The following C8orf34 variants were observed in gnomAD, a reference collection of about 807,000 sequenced individuals.
C8orf34 encodes the protein chromosome 8 open reading frame 34, also known as uncharacterized protein C8orf34.
C8orf34 carries 65 observed loss-of-function variants against 68.3 expected under a neutral mutation model. The observed-to-expected ratio is 0.95, with a 90% CI of 0.78 to 1.17. The LOEUF (loss-of-function observed/expected upper bound fraction) is 1.17, where lower values mean the gene tolerates loss of function less well. C8orf34 is among the 50% of genes most tolerant of loss of function. The pLI is 0.00. For synonymous variants in C8orf34, 244 were observed against 241.2 expected (o/e 1.01, Z -0.11); for missense variants, 664 against 655.4 (o/e 1.01, Z -0.14).
intron 8 of C8orf34, among the ~76,000 whole-genome samples, chr8:68,655,855 C>T (rs1819497270): frequency 1.3e-5 from 2 of 152,126 alleles, no homozygotes; most frequent in African/African-American, 4.8e-5. Context: ...ATCCTATTTC[C>T]ATCTTTCTAG....
intron 1 of C8orf34, among the ~76,000 whole-genome samples, chr8:68,345,141 T>C (rs1478180906): frequency 6.6e-6 from 1 of 151,828 alleles, no homozygotes; most frequent in Non-Finnish European, 1.5e-5. Context: ...GATTCCTAGA[T>C]TGGCTTAAAA....
rs781205123 is a variant in C8orf34 at position 68,818,721 on chromosome 8, A to C, written c.*475A>C. The C allele has an allele frequency of 2.6e-5, 4 of 153,306 alleles. No individual in the cohort carries two copies. Among genetic ancestry groups the C allele is most frequent in the Non-Finnish European group, 5.8e-5 (4 of 68,814 alleles). The allele number at this position is 153,306 out of a possible 1,614,324, so 9.5% of individuals were successfully genotyped here. A position where few individuals can be genotyped will look rare whatever the true frequency, so the allele number is the denominator to read the frequency against. Reference sequence around the variant, plus strand: ...CTGCAGAAATTAGCTGTTTGGTATCATCACCTGCCATACATGTTGTGTGCA... The same window carrying C: ...CTGCAGAAATTAGCTGTTTGGTATCCTCACCTGCCATACATGTTGTGTGCA... On this transcript the variant is annotated 3_prime_UTR_variant, in exon 14 of 14. Transcript: ENST00000518698.
intron 10 of C8orf34, among the ~76,000 whole-genome samples, chr8:68,761,014 T>C (rs1823009078): frequency 6.6e-6 from 1 of 152,226 alleles, no homozygotes; most frequent in Non-Finnish European, 1.5e-5. Context: ...GCAGGAATAT[T>C]GAGAGTAGCA....
chr8:68,412,076 C>A (rs1317728798), intron 1 of C8orf34, among the ~76,000 whole-genome samples: 1 of 152,182 alleles, frequency 6.6e-6, no homozygotes, highest in Non-Finnish European at 1.5e-5. Context: ...TAGGTCCTTA[C>A]CAGACACTGA....
In C8orf34 at chr8:68,620,977, T is replaced by A. The variant is rs540716712; in HGVS notation, c.1106-19399T>A. Reference sequence around the variant, plus strand: ...AGTTGTTTATATGCGGAAATAGTGATCCATAGAGTTAGAAATATATAAATA... The same window carrying A: ...AGTTGTTTATATGCGGAAATAGTGAACCATAGAGTTAGAAATATATAAATA... On this transcript the variant is annotated intron_variant, in intron 7 of 13. Coordinates refer to ENST00000518698, the MANE Select transcript of C8orf34 (RefSeq NM_052958.4). 3.3e-5 allele frequency among the ~76,000 whole-genome samples: 5 copies of A among 152,214 alleles called. No individual in the cohort carries two copies. The East Asian group carries it at 9.7e-4, about 29-fold the overall frequency.
chr8:68,493,063 T>C (rs375413619), intron 5 of C8orf34, among the ~76,000 whole-genome samples: 1 of 152,190 alleles, frequency 6.6e-6, no homozygotes, highest in East Asian at 1.9e-4. Flanking sequence ...ATATCCACAA[T>C]ATAAAATATT....
chr8:68,533,986 A>G (rs1815358961), intron 7 of C8orf34: 1 of 886,082 alleles, frequency 1.1e-6, no homozygotes, highest in South Asian at 5.2e-5. Context: ...TAATTATTTG[A>G]AAGCCTTAAA....
At chr8:68,542,092 T>C (rs546323573) in intron 7 of C8orf34, among the ~76,000 whole-genome samples, 1 of 152,304 alleles carries the variant, frequency 6.6e-6, no homozygotes, top group South Asian at 2.1e-4. Flanking sequence ...CTTGTCTCCC[T>C]GATTTATAGT....
intron 1 of C8orf34, among the ~76,000 whole-genome samples, chr8:68,366,575 G>A (rs1585994590): frequency 6.6e-6 from 1 of 151,414 alleles, no homozygotes; most frequent in Non-Finnish European, 1.5e-5. Context: ...ACAGAACAGA[G>A]CCCTCAGAAA....
intron 12 of C8orf34, chr8:68,792,301 A>C (rs550707702): frequency 6.6e-6 from 1 of 152,146 alleles, no homozygotes; most frequent in Non-Finnish European, 1.5e-5. Flanking sequence ...GATCAGGCGC[A>C]ATGGCTCACG....
intron 1 of C8orf34, among the ~76,000 whole-genome samples, chr8:68,349,671 C>A: frequency 6.6e-6 from 1 of 151,880 alleles, no homozygotes; most frequent in African/African-American, 2.4e-5. Flanking sequence ...TTGGTCTGTT[C>A]AGGGAATCGA....
intron 7 of C8orf34, among the ~76,000 whole-genome samples, chr8:68,583,603 C>T (rs199812417): frequency 1.5e-4 from 23 of 152,190 alleles, no homozygotes; most frequent in East Asian, 9.7e-4. Context: ...TGCGTTAATC[C>T]ACCTCCATTT....
At chr8:68,338,527 C>G (rs1004287798) in intron 1 of C8orf34, among the ~76,000 whole-genome samples, 1 of 152,098 alleles carries the variant, frequency 6.6e-6, no homozygotes, top group African/African-American at 2.4e-5. Flanking sequence ...GATTAGGTTT[C>G]ATTTTTTAGA....
At chr8:68,805,394 T>C (rs1400775566) in intron 12 of C8orf34, among the ~76,000 whole-genome samples, 2 of 152,228 alleles carry the variant, frequency 1.3e-5, no homozygotes, top group Non-Finnish European at 2.9e-5. Flanking sequence ...GTCTTCTTAC[T>C]GTATGTTTTG....
At chr8:68,513,717 C>G (rs1451308226) in intron 5 of C8orf34, among the ~76,000 whole-genome samples, 1 of 152,230 alleles carries the variant, frequency 6.6e-6, no homozygotes, top group African/African-American at 2.4e-5. Context: ...AGCTGAACCC[C>G]TTGTCCAGGG....
chr8:68,714,761 C>T (rs774303283), intron 9 of C8orf34, among the ~76,000 whole-genome samples: 7 of 152,038 alleles, frequency 4.6e-5, no homozygotes, highest in Admixed American at 2.6e-4. Context: ...CTTCACAGAA[C>T]TAGGAAAGAC....
intron 7 of C8orf34, among the ~76,000 whole-genome samples, chr8:68,575,960 T>G (rs867280303): frequency 0.017 from 2,528 of 147,852 alleles, 87 homozygotes; most frequent in African/African-American, 0.058. Context: ...ATGGTTGTTT[T>G]TTTTTTTTTT....
At chr8:68,509,093 G>T (rs556814340) in intron 5 of C8orf34, among the ~76,000 whole-genome samples, 24 of 152,250 alleles carry the variant, frequency 1.6e-4, no homozygotes, top group Admixed American at 1.4e-3. Flanking sequence ...CCCCTCTAAA[G>T]AAGTACATCT....
intron 2 of C8orf34, among the ~76,000 whole-genome samples, 171 bp downstream of exon 2, chr8:68,439,817 A>G (rs1810823905): frequency 6.6e-6 from 1 of 152,192 alleles, no homozygotes; most frequent in African/African-American, 2.4e-5. Flanking sequence ...TTAAATTTGA[A>G]TATATCGTAA....
Sources: allele counts gnomAD v4.1 joint callset (sites outside exome capture counted in the v4.1 genomes callset), GRCh38; gene constraint gnomAD v4.1.1; transcripts MANE v1.5; gene names NCBI Gene and HGNC (gene_info 2026-07-23, HGNC 2026-07-21).